Variants in FRA10AC1 observed in about 807,000 individuals in gnomAD.
The protein encoded by FRA10AC1 is FRA10A associated CGG repeat 1.
Under a neutral mutation model 56.5 loss-of-function variants are expected in FRA10AC1, and 43 were observed. The ratio of observed to expected loss-of-function variants is 0.76; its 90% CI spans 0.60 to 0.98. The LOEUF (loss-of-function observed/expected upper bound fraction) is 0.98, where lower values mean the gene tolerates loss of function less well. FRA10AC1 is among the 50% of genes least tolerant of loss of function. The pLI is 0.00. For missense variants in FRA10AC1, 346 were observed against 351.8 expected, an observed-to-expected ratio of 0.98 and a Z score of 0.13; for synonymous variants, 112 against 110.5, an observed-to-expected ratio of 1.01 and a Z score of -0.09.
chr10:93,702,880 G>T (rs1175132719), upstream of FRA10AC1, among the ~76,000 whole-genome samples: 1 of 151,870 alleles, frequency 6.6e-6, no homozygotes, highest in African/African-American at 2.4e-5. Flanking sequence ...ATCACCTGCC[G>T]TCCTCTCTCT....
chr10:93,693,613 C>CAT (rs1206625319), intron 5 of FRA10AC1, among the ~76,000 whole-genome samples: 3 of 130,044 alleles, frequency 2.3e-5, no homozygotes, highest in East Asian at 2.1e-4. Flanking sequence ...ATATACACAC[C>CAT]ATATATATAT....
intron 1 of FRA10AC1, among the ~76,000 whole-genome samples, chr10:93,701,802 T>C (rs193274768): frequency 6.6e-6 from 1 of 152,028 alleles, no homozygotes; most frequent in Non-Finnish European, 1.5e-5. Context: ...ACAGCTGTAG[T>C]GTGTTTAGAG....
chr10:93,692,484 C>T (rs968907595), intron 6 of FRA10AC1, among the ~76,000 whole-genome samples, 162 bp downstream of exon 6: 2 of 151,990 alleles, frequency 1.3e-5, no homozygotes, highest in Non-Finnish European at 2.9e-5. Context: ...TTAAAACTGC[C>T]AAAAATTACC....
At chr10:93,677,884 C>T (rs930994613) in intron 11 of FRA10AC1, among the ~76,000 whole-genome samples, 1 of 152,182 alleles carries the variant, frequency 6.6e-6, no homozygotes, top group Non-Finnish European at 1.5e-5. Flanking sequence ...GATTCCAGGA[C>T]TGATCTCTGA....
chr10:93,689,061 T>G (rs78601056), intron 7 of FRA10AC1, among the ~76,000 whole-genome samples: 1 of 6,800 alleles, frequency 1.5e-4, no homozygotes, highest in Non-Finnish European at 2.8e-4. Context: ...TGTTGTGGGG[T>G]TTTTTTTTTT....
intron 12 of FRA10AC1, chr10:93,674,142 T>C (rs1263625937): frequency 2.6e-5 from 4 of 152,174 alleles, no homozygotes; most frequent in Non-Finnish European, 4.4e-5. Context: ...ACTTTAAATA[T>C]ATATATTTTT....
At chr10:93,694,757 T>C (rs1212390543) in intron 5 of FRA10AC1, 104 bp downstream of exon 5, 2 of 360,866 alleles carry the variant, frequency 5.5e-6, no homozygotes, top group Admixed American at 4.2e-5. Flanking sequence ...CACACCGGAA[T>C]AGAAAGCAGG....
intron 4 of FRA10AC1, among the ~76,000 whole-genome samples, 198 bp downstream of exon 4, chr10:93,697,937 AT>A (rs1228703661): frequency 6.6e-6 from 1 of 152,166 alleles, no homozygotes; most frequent in Non-Finnish European, 1.5e-5. Context: ...ATGTTTTATT[AT>A]TTTTGTCTCT....
Position 93,694,953 on chromosome 10 carries a change from T to A in FRA10AC1, c.220-16A>T. The A allele has an allele frequency of 3.8e-6, 5 of 1,305,150 alleles. No individual in the cohort carries two copies. Among genetic ancestry groups the A allele is most frequent in the Non-Finnish European group, 4.4e-6 (4 of 900,068 alleles). The allele number at this position is 1,305,150 out of a possible 1,614,324, so 80.8% of individuals were successfully genotyped here. On this transcript the variant is annotated splice_polypyrimidine_tract_variant and intron_variant, in intron 4 of 13. Coordinates refer to ENST00000359204, the MANE Select transcript of FRA10AC1 (RefSeq NM_145246.5). The stretch of plus-strand genomic sequence containing the variant: ...GTCTTTGATACTGAAATGCAAAAAA[T>A]TAAGGATTTTATTCTCTTAGGAGCT...
intron 11 of FRA10AC1, among the ~76,000 whole-genome samples, chr10:93,679,967 G>A (rs1400393033): frequency 1.3e-5 from 2 of 152,086 alleles, no homozygotes; most frequent in Non-Finnish European, 2.9e-5. Flanking sequence ...TTAGTTTTTA[G>A]GTCAACATAG....
At position 93,669,637 on chromosome 10, in the gene FRA10AC1, A is replaced by T; in HGVS notation, c.*189T>A. ...ATTGAAAAGATATTTAAAGGACAGG[A>T]AAGTCTTTAATTGAACTAATGAACT... On this transcript the variant is annotated 3_prime_UTR_variant, in exon 14 of 14. Coordinates refer to ENST00000359204, the MANE Select transcript of FRA10AC1 (RefSeq NM_145246.5). 1.8e-6 allele frequency: 1 copy of T among 568,512 alleles called. No homozygotes were observed. Among genetic ancestry groups the T allele is most frequent in the Non-Finnish European group, 3.1e-6 (1 of 318,798 alleles). The allele number at this position is 568,512 out of a possible 1,614,324, so 35.2% of individuals were successfully genotyped here. A position where few individuals can be genotyped will look rare whatever the true frequency, so the allele number is the denominator to read the frequency against.
intron 12 of FRA10AC1, chr10:93,671,975 AC>A: frequency 2.4e-6 from 1 of 413,106 alleles, no homozygotes; most frequent in South Asian, 1.8e-5. Flanking sequence ...CAAATAAATC[AC>A]CTGTATTAGT....
In FRA10AC1 at chr10:93,681,525, AT is replaced by A; in HGVS notation, c.741del (p.Lys247AsnfsTer81). 1.3e-6 allele frequency: 2 copies of A among 1,579,370 alleles called. No homozygotes were observed. The highest frequency in any genetic ancestry group is 1.7e-6 in the Non-Finnish European group (2 of 1,168,234). ...GCCTCTTCTGCAGAAGATAATCTGG[AT>A]TTTTTATGTGATGACTCTTCACAGT... Reference protein sequence around the residue: ...KKDCEESSHKKSRLSSAEEAS... With the variant: ...KKDCEESSHKXSRLSSAEEAS... On this transcript the variant is annotated frameshift_variant, in exon 11 of 14. Transcript: ENST00000359204. LOFTEE classifies it high-confidence loss of function.
intron 13 of FRA10AC1, 72 bp from the exon 14 acceptor site, chr10:93,669,940 TAATAAA>T: frequency 2.7e-6 from 2 of 752,952 alleles, no homozygotes; most frequent in South Asian, 1.7e-5. Flanking sequence ...TATATGAGAT[TAATAAA>T]AATAAAATAC....
At chr10:93,682,399 T>C (rs1197499836) in intron 10 of FRA10AC1, among the ~76,000 whole-genome samples, 1 of 152,340 alleles carries the variant, frequency 6.6e-6, no homozygotes, top group South Asian at 2.1e-4. Context: ...GTAAGAATCA[T>C]TTCCATTTTG....
chr10:93,676,576 A>G, intron 12 of FRA10AC1, 77 bp downstream of exon 12: 2 of 1,466,386 alleles, frequency 1.4e-6, no homozygotes, highest in Non-Finnish European at 1.8e-6. Context: ...ACATCACAGC[A>G]AGATACGATT....
In FRA10AC1 at chr10:93,700,060, C is replaced by T. The variant is rs726817; in HGVS notation, c.47G>A (p.Arg16His). The T allele has an allele frequency of 0.71, 1,139,076 of 1,593,118 alleles. 410,478 individuals carry two copies. Among genetic ancestry groups the T allele is most frequent in the Middle Eastern group, 0.75 (4,505 of 6,028 alleles). Residue 16 changes from arginine (R) to histidine (H), a missense_variant, in exon 2 of 14, where the codon CGC (arginine) becomes CAC (histidine). By Grantham distance (29) the Arg-to-His change is conservative. Transcript: ENST00000359204. Reference protein sequence around the residue: ...GYDSDFSDDERCGESSKRKKR... With the variant: ...GYDSDFSDDEHCGESSKRKKR... ...TTTCCTTTTGCTGGATTCTCCACAGCGTTCATCATCACTAAAATCAGAATC... is the reference window on the plus strand; with the variant it reads ...TTTCCTTTTGCTGGATTCTCCACAGTGTTCATCATCACTAAAATCAGAATC...
intron 10 of FRA10AC1, among the ~76,000 whole-genome samples, chr10:93,682,414 G>A (rs112343627): frequency 7.9e-5 from 12 of 152,260 alleles, no homozygotes; most frequent in African/African-American, 2.6e-4. Flanking sequence ...ATTTTGAAAT[G>A]AAGCTCAAAA....
intron 11 of FRA10AC1, among the ~76,000 whole-genome samples, chr10:93,680,402 C>T (rs1263860859): frequency 6.6e-6 from 1 of 152,068 alleles, no homozygotes; most frequent in Non-Finnish European, 1.5e-5. Flanking sequence ...AATAAAATAA[C>T]AATATCTTCC....
Sources: allele counts gnomAD v4.1 joint callset (sites outside exome capture counted in the v4.1 genomes callset), GRCh38; gene constraint gnomAD v4.1.1; transcripts MANE v1.5; gene names NCBI Gene and HGNC (gene_info 2026-07-23, HGNC 2026-07-21).